MORC4: variants seen among roughly 807,000 people sequenced by gnomAD.
The protein encoded by MORC4 is MORC family CW-type zinc finger 4, also known as MORC family CW-type zinc finger protein 4.
MORC4 carries 22 observed loss-of-function variants against 65.5 expected under a neutral mutation model. The ratio of observed to expected loss-of-function variants is 0.34; its 90% CI spans 0.24 to 0.48. The LOEUF is 0.48. MORC4 is among the 20% of genes least tolerant of loss of function. The probability of loss-of-function intolerance (pLI) is 0.99; values close to 1 mark genes in which losing one functional copy is unlikely to be tolerated. For missense variants in MORC4, 624 were observed against 703.0 expected (o/e 0.89, Z 1.27); for synonymous variants, 267 against 255.8 (o/e 1.04, Z -0.42).
chrX:106,964,046 C>T (rs947811034), intron 9 of MORC4, among the ~76,000 whole-genome samples: 3 of 111,069 alleles, frequency 2.7e-5, no homozygotes, highest in Non-Finnish European at 5.7e-5. Flanking sequence ...TAGAAACCAC[C>T]CCTGAAAAAG....
intron 5 of MORC4, among the ~76,000 whole-genome samples, chrX:106,984,770 C>G (rs1031810068): frequency 9.1e-6 from 1 of 109,545 alleles, no homozygotes; most frequent in Non-Finnish European, 1.9e-5. Context: ...CCACCGCACC[C>G]GGCCAGAACT....
rs1569309451 is a variant in MORC4 at position 106,993,319 on chromosome X, T to C, written c.219A>G (p.Ile73Met). 1.7e-6 allele frequency: 2 copies of C among 1,209,074 alleles called. No individual in the cohort carries two copies. Among genetic ancestry groups the C allele is most frequent in the Non-Finnish European group, 2.2e-6 (2 of 894,048 alleles). ...DPDVSARTVF[I>M]DVEEVKNKSC... The stretch of plus-strand genomic sequence containing the variant: ...ATTTATTCTTGACCTCCTCAACATC[T>C]ATAAAGACCGTCCTGGCAGATACAT... The change falls in exon 3 of 17, where the codon ATA (isoleucine) becomes ATG (methionine). Residue 73 changes from isoleucine (I) to methionine (M), a missense_variant. Physicochemically the swap from Ile to Met is conservative, Grantham distance 10. Coordinates refer to ENST00000355610, the MANE Select transcript of MORC4 (RefSeq NM_024657.5).
At chrX:106,959,641 A>G (rs1454838210) in intron 10 of MORC4, among the ~76,000 whole-genome samples, 1 of 111,172 alleles carries the variant, frequency 9.0e-6, no homozygotes, top group African/African-American at 3.3e-5. Flanking sequence ...GGGCTCAAGT[A>G]ATCCTCCCAC....
At chrX:106,992,307 T>C (rs949363549) in intron 3 of MORC4, among the ~76,000 whole-genome samples, 2 of 112,364 alleles carry the variant, frequency 1.8e-5, no homozygotes, top group Non-Finnish European at 3.8e-5. Flanking sequence ...TACAACCACA[T>C]GAATTTGTTT....
intron 10 of MORC4, among the ~76,000 whole-genome samples, chrX:106,959,878 G>A (rs1472253940): frequency 8.9e-6 from 1 of 112,550 alleles, no homozygotes; most frequent in Non-Finnish European, 1.9e-5. Context: ...AGTAATATAA[G>A]CTCATTATTA....
rs781759399 is a variant in MORC4, at chrX:106,943,135, G to A, written c.1756C>T (p.Pro586Ser). The change falls in exon 15 of 17, where the codon CCT becomes TCT. Residue 586 changes from proline (P) to serine (S), a missense_variant. Pro to Ser is a moderately conservative substitution (Grantham distance 74, BLOSUM62 -1). Transcript: ENST00000355610. The stretch of plus-strand genomic sequence containing the variant: ...GCAGGCATGGAATAATCTAGAGAAG[G>A]TGTTGTCATCTCATTCTGGAGCCTT... Reference protein sequence around the residue: ...RRRLQNEMTTPSLDYSMPAPY... With the variant: ...RRRLQNEMTTSSLDYSMPAPY... 54 of 1,210,634 alleles carry A rather than the reference G, an allele frequency of 4.5e-5. No individual in the cohort carries two copies. The East Asian group carries it at 1.2e-3, about 27-fold the overall frequency.
In MORC4 at chrX:106,976,586, G is replaced by A; in HGVS notation, c.1155C>T (p.Tyr385=). 1 of 1,184,784 alleles carries A rather than the reference G, an allele frequency of 8.4e-7. No homozygotes were observed. The highest frequency in any genetic ancestry group is 1.1e-6 in the Non-Finnish European group (1 of 872,324). Residue 385 remains tyrosine, a splice_region_variant and synonymous_variant, in exon 9 of 17, where the codon TAC becomes TAT. Transcript: ENST00000355610. ...ACCTCAGGTTGGGAGTGACTCACCG[G>A]TACTCCTTGGTATACTCAAAGTCTT... The part of the protein sequence containing the change: ...NKQDFEYTKE[Y]RLTINALAQK...
chrX:106,942,177 G>C lies in MORC4; in HGVS notation c.2421C>G (p.Phe807Leu). Residue 807 changes from phenylalanine to leucine, a missense_variant, in exon 16 of 17, where the codon TTC (phenylalanine) becomes TTG (leucine). By Grantham distance (22) the Phe-to-Leu change is conservative. Transcript: ENST00000355610. Reference sequence around the variant, plus strand: ...TCACCAATTCATGTTGGACTTTCTTGAATTCAGACTGCCAGTGATTCCTCT... The same window carrying C: ...TCACCAATTCATGTTGGACTTTCTTCAATTCAGACTGCCAGTGATTCCTCT... The part of the protein sequence containing the change: ...EQERNHWQSE[F>L]KKVQHELVIY... The C allele has an allele frequency of 8.3e-7, 1 of 1,210,185 alleles. No homozygotes were observed. The highest frequency in any genetic ancestry group is 1.1e-6 in the Non-Finnish European group (1 of 894,708).
At position 106,981,372 on chromosome X, in the gene MORC4, C is replaced by T; in HGVS notation, c.780G>A (p.Glu260=). The T allele has an allele frequency of 8.3e-7, 1 of 1,205,982 alleles. No homozygotes were observed. Residue 260 remains glutamate, a synonymous_variant, in exon 6 of 17, where the codon GAG becomes GAA. Coordinates refer to ENST00000355610, the MANE Select transcript of MORC4 (RefSeq NM_024657.5). ...TTAAAGAATATTCTGTTTCTGGTAGCTCAGAGGTAACACCGCCAGTCATTT... is the reference window on the plus strand; with the variant it reads ...TTAAAGAATATTCTGTTTCTGGTAGTTCAGAGGTAACACCGCCAGTCATTT... ...EEKMTGGVTS[E]LPETEYSLRA...
intron 14 of MORC4, among the ~76,000 whole-genome samples, chrX:106,952,060 T>C (rs1158496027): frequency 1.9e-5 from 2 of 104,440 alleles, no homozygotes; most frequent in Non-Finnish European, 3.9e-5. Flanking sequence ...TATGTAAATA[T>C]TGGGGATACT....
chrX:106,967,609 G>A (rs931174752), intron 9 of MORC4, among the ~76,000 whole-genome samples: 2 of 112,387 alleles, frequency 1.8e-5, no homozygotes, highest in Admixed American at 9.4e-5. Context: ...AACCAGTGTA[G>A]AGAAGAGCTT....
intron 2 of MORC4, among the ~76,000 whole-genome samples, chrX:106,997,919 TCC>T (rs747512093): frequency 1.8e-4 from 20 of 112,062 alleles, no homozygotes; most frequent in African/African-American, 6.2e-4. Context: ...TCCTCTGAAC[TCC>T]CACAGCACTT....
At chrX:106,976,779 AC>A (rs1178572713) in intron 8 of MORC4, 95 bp from the exon 9 acceptor site, 12 of 566,219 alleles carry the variant, frequency 2.1e-5, no homozygotes, top group South Asian at 3.0e-5. Context: ...AGGTTACATA[AC>A]CTTCATGGGC....
At chrX:106,979,586 A>G (rs972770249) in intron 7 of MORC4, among the ~76,000 whole-genome samples, 2 of 111,015 alleles carry the variant, frequency 1.8e-5, no homozygotes, top group Non-Finnish European at 3.8e-5. Context: ...CTTGGGGGAA[A>G]TTTTATTAGG....
chrX:106,964,821 C>T (rs1043121748), intron 9 of MORC4, among the ~76,000 whole-genome samples: 1 of 111,181 alleles, frequency 9.0e-6, no homozygotes, highest in Non-Finnish European at 1.9e-5. Context: ...ACTAGCCTGA[C>T]CAACATGGTG....
rs1933665973 is a variant in MORC4, at chrX:106,941,312, G to C, written c.*167C>G. ...TCCACACCAAAACTGATAAAAAGGA[G>C]ACTGATTATGAGCCAGGATTTACAC... On this transcript the variant is annotated 3_prime_UTR_variant, in exon 17 of 17. Transcript: ENST00000355610. 1 of 372,458 alleles carries C rather than the reference G, an allele frequency of 2.7e-6. No individual in the cohort carries two copies. The highest frequency in any genetic ancestry group is 2.7e-5 in the African/African-American group (1 of 36,872). 30.7% of individuals were successfully genotyped at this position (372,458 alleles called of 1,213,427 possible).
rs750652245 is a variant in MORC4 at position 106,941,925 on chromosome X, C to T, written c.2660+13G>A. ...AGCACTCACAAGCTGATAACTAAAC[C>T]CTAGTAATTAACCTTTCTAGGTCAT... On this transcript the variant is annotated intron_variant, in intron 16 of 16. Coordinates refer to ENST00000355610, the MANE Select transcript of MORC4 (RefSeq NM_024657.5). The T allele has an allele frequency of 8.3e-6, 10 of 1,197,807 alleles. No individual in the cohort carries two copies. The highest frequency in any genetic ancestry group is 4.5e-5 in the Admixed American group (2 of 44,805).
intron 9 of MORC4, among the ~76,000 whole-genome samples, chrX:106,967,204 C>T (rs898493587): frequency 3.6e-5 from 4 of 111,591 alleles, no homozygotes; most frequent in African/African-American, 9.8e-5. Flanking sequence ...CTCCAACAGA[C>T]CTGCAGCTGA....
rs1555982140 is a variant in MORC4, at chrX:106,947,571, T to TTTTA, written c.1686-4367_1686-4366insTAAA. Among the ~76,000 whole-genome samples, 7 of 77,956 alleles carry TTTTA rather than the reference T, an allele frequency of 9.0e-5. No individual in the cohort carries two copies. In the Admixed American group the frequency reaches 1.2e-3, roughly 13 times the overall value. 67.7% of individuals were successfully genotyped at this position (77,956 alleles called of 115,157 possible). ...CCTGTAGTTAATCTATATATATATA[T>TTTTA]TATATATATATATATATATAATATA... On this transcript the variant is annotated intron_variant, in intron 14 of 16. Transcript: ENST00000355610.
Sources: allele counts gnomAD v4.1 joint callset (sites outside exome capture counted in the v4.1 genomes callset), GRCh38; gene constraint gnomAD v4.1.1; transcripts MANE v1.5; gene names NCBI Gene and HGNC (gene_info 2026-07-23, HGNC 2026-07-21).